TADA2B: variants seen among roughly 807,000 people sequenced by gnomAD.
TADA2B encodes transcriptional adaptor 2B.
TADA2B carries 13 observed loss-of-function variants against 34.5 expected under a neutral mutation model. The observed-to-expected ratio is 0.38, with a 90% CI of 0.25 to 0.60. The LOEUF (loss-of-function observed/expected upper bound fraction) is 0.60, where lower values mean the gene tolerates loss of function less well. Ranked by LOEUF, TADA2B falls within the 20% of genes least tolerant of loss-of-function variation. TADA2B has a pLI of 0.65. For missense variants in TADA2B, 442 were observed against 575.0 expected, an observed-to-expected ratio of 0.77 and a Z score of 2.37; for synonymous variants, 240 against 243.4, an observed-to-expected ratio of 0.99 and a Z score of 0.13.
At chr4:7,051,275 C>T (rs903553064) in intron 1 of TADA2B, among the ~76,000 whole-genome samples, 1 of 152,154 alleles carries the variant, frequency 6.6e-6, no homozygotes, top group African/African-American at 2.4e-5. Flanking sequence ...GGAAAGCTGC[C>T]GTGACCGAGC....
intron 1 of TADA2B, among the ~76,000 whole-genome samples, chr4:7,049,806 C>G (rs945865787): frequency 6.6e-6 from 1 of 152,248 alleles, no homozygotes; most frequent in Non-Finnish European, 1.5e-5. Context: ...ACCGCATGGC[C>G]GTGACTGAGT....
Position 7,043,449 on chromosome 4 carries a change from C to T in TADA2B, c.-131C>T, listed in dbSNP as rs1040339455. ...GGCGGCTGGGCTGGGGCCGCGGTGGCGGCAGCCGCGGCGGCGGGCGGCGGT... is the reference window on the plus strand; with the variant it reads ...GGCGGCTGGGCTGGGGCCGCGGTGGTGGCAGCCGCGGCGGCGGGCGGCGGT... On this transcript the variant is annotated 5_prime_UTR_variant, in exon 1 of 2. Coordinates refer to ENST00000310074, the MANE Select transcript of TADA2B (RefSeq NM_152293.3). 6.1e-6 allele frequency: 2 copies of T among 329,060 alleles called. No individual in the cohort carries two copies. Among genetic ancestry groups the T allele is most frequent in the Non-Finnish European group, 8.5e-6 (2 of 234,230 alleles). 20.4% of individuals were successfully genotyped at this position (329,060 alleles called of 1,614,324 possible).
At chr4:7,048,052 T>TTG (rs1723676050) in intron 1 of TADA2B, among the ~76,000 whole-genome samples, 1 of 152,172 alleles carries the variant, frequency 6.6e-6, no homozygotes, top group Admixed American at 6.5e-5. Flanking sequence ...GAACCATCCG[T>TTG]TTCATTGTTC....
At chr4:7,046,609 C>T (rs113078903) in intron 1 of TADA2B, among the ~76,000 whole-genome samples, 4 of 152,312 alleles carry the variant, frequency 2.6e-5, no homozygotes, top group African/African-American at 7.2e-5. Context: ...GGGAGGCCAT[C>T]GGTGCCACCG....
intron 1 of TADA2B, among the ~76,000 whole-genome samples, chr4:7,050,541 C>T (rs1329212583): frequency 2.0e-5 from 3 of 152,254 alleles, no homozygotes; most frequent in South Asian, 2.1e-4. Context: ...TCCTCTGCCT[C>T]GTCCTTCACA....
intron 1 of TADA2B, among the ~76,000 whole-genome samples, chr4:7,047,735 A>C (rs1016180221): frequency 1.3e-5 from 2 of 152,176 alleles, no homozygotes; most frequent in African/African-American, 4.8e-5. Context: ...GGAGGAAGGA[A>C]GGGTTTTGTG....
chr4:7,044,145 G>A (rs765642272), intron 1 of TADA2B, among the ~76,000 whole-genome samples: 2 of 152,254 alleles, frequency 1.3e-5, no homozygotes, highest in Non-Finnish European at 2.9e-5. Flanking sequence ...CTTCACAGGC[G>A]TTTGCGGAGT....
At chr4:7,053,525 G>A (rs540545985) in intron 1 of TADA2B, 1 of 153,602 alleles carries the variant, frequency 6.5e-6, no homozygotes, top group East Asian at 1.9e-4. Flanking sequence ...TGCTTTTCCA[G>A]CGGGTGGCAA....
Position 7,043,483 on chromosome 4 carries a change from CGCGGCGGCG to C in TADA2B, c.-89_-81del. On this transcript the variant is annotated 5_prime_UTR_variant, in exon 1 of 2. Transcript: ENST00000310074. ...CGGCGGCGGGCGGCGGTTGCTCGTG[CGCGGCGGCG>C]GCGGCGGGTCCCGCGGGCGGCGGGG... The C allele has an allele frequency of 5.6e-6, 4 of 712,946 alleles. No individual in the cohort carries two copies. The highest frequency in any genetic ancestry group is 6.8e-6 in the Non-Finnish European group (4 of 589,202). The allele number at this position is 712,946 out of a possible 1,614,324, so 44.2% of individuals were successfully genotyped here.
chr4:7,046,655 A>G (rs1250865920), intron 1 of TADA2B, among the ~76,000 whole-genome samples: 1 of 152,096 alleles, frequency 6.6e-6, no homozygotes, highest in African/African-American at 2.4e-5. Flanking sequence ...GATTCACTGG[A>G]GATTAGTGTG....
rs1353936684 is a variant in TADA2B at position 7,056,852 on chromosome 4, G to T, written c.*1798G>T. The stretch of plus-strand genomic sequence containing the variant: ...GAGATGGTGCTAAGTTTTTACAGTT[G>T]TCTTAGCCCCAGTGGTTCTCAAGGT... On this transcript the variant is annotated 3_prime_UTR_variant, in exon 2 of 2. Transcript: ENST00000310074. The T allele has an allele frequency of 6.6e-6, 1 of 152,220 alleles. No homozygotes were observed. The highest frequency in any genetic ancestry group is 1.5e-5 in the Non-Finnish European group (1 of 68,038). The allele number at this position is 152,220 out of a possible 1,614,324, so 9.4% of individuals were successfully genotyped here.
chr4:7,055,187 C>CT lies in TADA2B; in HGVS notation c.*137dup. ...AGTTCCTTTTTTTAAGATAGAAATT[C>CT]TTTTCATGGTCCTCTGAAAGAAGCA... On this transcript the variant is annotated 3_prime_UTR_variant, in exon 2 of 2. Transcript: ENST00000310074. 1.1e-6 allele frequency: 1 copy of CT among 901,926 alleles called. No individual in the cohort carries two copies. The highest frequency in any genetic ancestry group is 1.7e-6 in the Non-Finnish European group (1 of 604,404). 55.9% of individuals were successfully genotyped at this position (901,926 alleles called of 1,614,324 possible).
Position 7,055,040 on chromosome 4 carries a change from A to C in TADA2B, c.1249A>C (p.Arg417=), listed in dbSNP as rs1284022236. The change falls in exon 2 of 2, where the codon AGG becomes CGG. Residue 417 remains arginine, a synonymous_variant. Coordinates refer to ENST00000310074, the MANE Select transcript of TADA2B (RefSeq NM_152293.3). ...CCTCACAGAAAGCGGCTGGATCTCC[A>C]GGGACGCGTCTTGAAGCTGAGACGC... ...NFLTESGWIS[R]DAS is the part of the protein sequence containing the mutation. 2.5e-6 allele frequency: 4 copies of C among 1,609,748 alleles called. No individual in the cohort carries two copies. Among genetic ancestry groups the C allele is most frequent in the Non-Finnish European group, 3.4e-6 (4 of 1,178,588 alleles).
intron 1 of TADA2B, among the ~76,000 whole-genome samples, chr4:7,052,322 C>T (rs1001396147): frequency 1.3e-5 from 2 of 152,278 alleles, no homozygotes; most frequent in African/African-American, 4.8e-5. Flanking sequence ...AGGGTTTCCA[C>T]CCAACATGAC....
chr4:7,055,521 G>T lies in TADA2B; in HGVS notation c.*467G>T. ...CACGCTGCCCACAGCTGACCCCAGCGCAGCCCCGGGCACGCGGCACTTTAC... is the reference window on the plus strand; with the variant it reads ...CACGCTGCCCACAGCTGACCCCAGCTCAGCCCCGGGCACGCGGCACTTTAC... On this transcript the variant is annotated 3_prime_UTR_variant, in exon 2 of 2. Transcript: ENST00000310074. 6.3e-6 allele frequency: 1 copy of T among 158,530 alleles called. No individual in the cohort carries two copies. Among genetic ancestry groups the T allele is most frequent in the East Asian group, 1.9e-4 (1 of 5,320 alleles). 9.8% of individuals were successfully genotyped at this position (158,530 alleles called of 1,614,324 possible).
At position 7,055,047 on chromosome 4, in the gene TADA2B, C is replaced by T. The variant is rs748278713; in HGVS notation, c.1256C>T (p.Ala419Val). Residue 419 changes from alanine (A) to valine (V), a missense_variant, in exon 2 of 2, where the codon GCG becomes GTG. Physicochemically the swap from Ala to Val is moderately conservative, Grantham distance 64. Transcript: ENST00000310074. ...GAAAGCGGCTGGATCTCCAGGGACG[C>T]GTCTTGAAGCTGAGACGCTTTGAAA... ...LTESGWISRD[A>V]S 8 of 1,606,326 alleles carry T rather than the reference C, an allele frequency of 5.0e-6. No individual in the cohort carries two copies. The East Asian group carries it at 8.9e-5, about 18-fold the overall frequency.
intron 1 of TADA2B, among the ~76,000 whole-genome samples, chr4:7,047,317 G>A (rs1723653646): frequency 6.6e-6 from 1 of 152,210 alleles, no homozygotes. Flanking sequence ...GGGCTTTGGC[G>A]GGGAAGTGGG....
At position 7,052,428 on chromosome 4, in the gene TADA2B, G is replaced by C. The variant is rs112343404; in HGVS notation, c.271-1634G>C. ...TTTCAGAGGCCATTGCGGTTCCTGGGGCTCCCTGGCCCCAAGGTTGTCGGG... is the reference window on the plus strand; with the variant it reads ...TTTCAGAGGCCATTGCGGTTCCTGGCGCTCCCTGGCCCCAAGGTTGTCGGG... On this transcript the variant is annotated intron_variant, in intron 1 of 1. Coordinates refer to ENST00000310074, the MANE Select transcript of TADA2B (RefSeq NM_152293.3). Among the ~76,000 whole-genome samples the C allele has an allele frequency of 2.2e-3, 333 of 152,358 alleles. 3 individuals are homozygous for C. The highest frequency in any genetic ancestry group is 7.5e-3 in the African/African-American group (311 of 41,584).
chr4:7,054,493 G>C lies in TADA2B; in HGVS notation c.702G>C (p.Gly234=), dbSNP rs374613250. Residue 234 remains glycine (G), a synonymous_variant, in exon 2 of 2, where the codon GGG becomes GGC. Transcript: ENST00000310074. The stretch of plus-strand genomic sequence containing the variant: ...ACAATCTGGTGCCAGCCTTCCTGGG[G>C]AAGGACAAGAAGGAGAAGGAAAAGG... ...RDYNLVPAFL[G]KDKKEKEKAL... 5 of 1,613,732 alleles carry C rather than the reference G, an allele frequency of 3.1e-6. No individual in the cohort carries two copies. The highest frequency in any genetic ancestry group is 3.4e-6 in the Non-Finnish European group (4 of 1,179,908).
Sources: allele counts gnomAD v4.1 joint callset (sites outside exome capture counted in the v4.1 genomes callset), GRCh38; gene constraint gnomAD v4.1.1; transcripts MANE v1.5; gene names NCBI Gene and HGNC (gene_info 2026-07-23, HGNC 2026-07-21).